Variants in AFG1L observed in about 807,000 individuals in gnomAD.
AFG1L encodes AFG1-like ATPase.
A neutral mutation model predicts 62.2 loss-of-function variants in AFG1L; 53 were observed. The ratio of observed to expected loss-of-function variants is 0.85; its 90% confidence interval spans 0.68 to 1.07. The LOEUF is 1.07. AFG1L is among the 50% of genes least tolerant of loss of function. The probability of loss-of-function intolerance (pLI) is 0.00; values close to 1 mark genes in which losing one functional copy is unlikely to be tolerated. For synonymous variants in AFG1L, 228 were observed against 210.3 expected (o/e 1.08, Z -0.73); for missense variants, 555 against 590.5 (o/e 0.94, Z 0.62).
chr6:108,442,190 T>C (rs909655935), intron 7 of AFG1L, among the ~76,000 whole-genome samples: 2 of 131,350 alleles, frequency 1.5e-5, no homozygotes, highest in African/African-American at 5.6e-5. Context: ...TTCCTTCTTC[T>C]TTTTTTTTTT....
chr6:108,374,439 A>C (rs1207804003), intron 6 of AFG1L, among the ~76,000 whole-genome samples: 9 of 152,180 alleles, frequency 5.9e-5, no homozygotes, highest in African/African-American at 2.2e-4. Flanking sequence ...GGTGTTCCCT[A>C]GATTTTCATC....
intron 1 of AFG1L, among the ~76,000 whole-genome samples, chr6:108,296,955 A>C (rs912359289): frequency 6.6e-6 from 1 of 152,206 alleles, no homozygotes; most frequent in African/African-American, 2.4e-5. Flanking sequence ...GATTCAAGTG[A>C]AGGCTGTGCT....
At chr6:108,384,061 T>TAAAA (rs541978025) in intron 6 of AFG1L, among the ~76,000 whole-genome samples, 5 of 80,072 alleles carry the variant, frequency 6.2e-5, no homozygotes, top group African/African-American at 1.2e-4. Flanking sequence ...TCCTGGAGAG[T>TAAAA]AAAAAAAAAA....
At chr6:108,425,079 CAT>C (rs1770753282) in intron 7 of AFG1L, among the ~76,000 whole-genome samples, 1 of 152,068 alleles carries the variant, frequency 6.6e-6, no homozygotes, top group Admixed American at 6.6e-5. Context: ...ATAAGTTATG[CAT>C]AGTGACAGCT....
At position 108,523,219 on chromosome 6, in the gene AFG1L, G is replaced by A. The variant is rs1342260520; in HGVS notation, c.*794G>A. The A allele has an allele frequency of 6.6e-6, 1 of 152,268 alleles. No individual in the cohort carries two copies. Among genetic ancestry groups the A allele is most frequent in the Non-Finnish European group, 1.5e-5 (1 of 68,160 alleles). 9.4% of individuals were successfully genotyped at this position (152,268 alleles called of 1,614,324 possible). ...TCGTAGGCACTCCAACAGCAGAGGAGACTCCCGCTCACATGAGGCCAGCCG... is the reference window on the plus strand; with the variant it reads ...TCGTAGGCACTCCAACAGCAGAGGAAACTCCCGCTCACATGAGGCCAGCCG... On this transcript the variant is annotated 3_prime_UTR_variant, in exon 13 of 13. Transcript: ENST00000368977.
chr6:108,333,802 A>G (rs1778368006), intron 2 of AFG1L, among the ~76,000 whole-genome samples: 1 of 152,138 alleles, frequency 6.6e-6, no homozygotes, highest in African/African-American at 2.4e-5. Flanking sequence ...CTGAGGAGGA[A>G]GGGGACAAAG....
intron 8 of AFG1L, among the ~76,000 whole-genome samples, chr6:108,472,569 T>C (rs989495805): frequency 1.3e-5 from 2 of 152,216 alleles, no homozygotes; most frequent in African/African-American, 4.8e-5. Context: ...ATCTTTTTCC[T>C]TCTCTCTGCC....
intron 1 of AFG1L, among the ~76,000 whole-genome samples, chr6:108,308,515 T>A (rs1582563508): frequency 6.6e-6 from 1 of 152,050 alleles, no homozygotes; most frequent in East Asian, 1.9e-4. Context: ...TTTACTTATT[T>A]AATTTTAATT....
intron 2 of AFG1L, chr6:108,344,743 C>T (rs1022884678): frequency 8.5e-6 from 4 of 471,156 alleles, no homozygotes; most frequent in South Asian, 3.1e-5. Flanking sequence ...TCTGAACTCA[C>T]TCCACCCTGT....
chr6:108,478,110 T>C (rs1360538199), intron 10 of AFG1L, among the ~76,000 whole-genome samples: 2 of 152,230 alleles, frequency 1.3e-5, no homozygotes, highest in Non-Finnish European at 2.9e-5. Context: ...ACAAAATACT[T>C]ATACCTGCGG....
At chr6:108,350,214 C>T (rs1440769236) in intron 3 of AFG1L, among the ~76,000 whole-genome samples, 1 of 151,522 alleles carries the variant, frequency 6.6e-6, no homozygotes, top group Admixed American at 6.6e-5. Flanking sequence ...TAAATAAATA[C>T]ATAAGTAAAT....
At chr6:108,409,429 G>C (rs1338329984) in intron 7 of AFG1L, among the ~76,000 whole-genome samples, 2 of 152,126 alleles carry the variant, frequency 1.3e-5, no homozygotes, top group Non-Finnish European at 2.9e-5. Flanking sequence ...AAATAAATGG[G>C]ATGGCAGGCA....
At chr6:108,469,310 G>T (rs1000336362) in intron 8 of AFG1L, among the ~76,000 whole-genome samples, 2 of 152,152 alleles carry the variant, frequency 1.3e-5, no homozygotes, top group South Asian at 4.2e-4. Context: ...TGCTGAAAAG[G>T]TACAGATTGT....
intron 1 of AFG1L, among the ~76,000 whole-genome samples, chr6:108,314,396 C>CT (rs779796652): frequency 0.014 from 1,999 of 140,642 alleles, 26 homozygotes; most frequent in African/African-American, 0.038. Flanking sequence ...TCTGCTTCTT[C>CT]TTTTTTTTTT....
At chr6:108,390,644 T>C (rs1781012514) in intron 6 of AFG1L, among the ~76,000 whole-genome samples, 1 of 152,228 alleles carries the variant, frequency 6.6e-6, no homozygotes, top group Non-Finnish European at 1.5e-5. Flanking sequence ...CCAGACGCTG[T>C]TTGCCTGGGC....
intron 1 of AFG1L, among the ~76,000 whole-genome samples, chr6:108,308,257 C>T (rs1777279245): frequency 6.6e-6 from 1 of 151,982 alleles, no homozygotes; most frequent in South Asian, 2.1e-4. Context: ...TCAAGCAGTC[C>T]TCTCACCTCA....
At chr6:108,310,809 T>C (rs1777376468) in intron 1 of AFG1L, among the ~76,000 whole-genome samples, 1 of 152,112 alleles carries the variant, frequency 6.6e-6, no homozygotes, top group Non-Finnish European at 1.5e-5. Flanking sequence ...TCCTCGGCTC[T>C]GAAGCAATCC....
At chr6:108,460,090 A>C (rs911055235) in intron 8 of AFG1L, among the ~76,000 whole-genome samples, 1 of 152,170 alleles carries the variant, frequency 6.6e-6, no homozygotes, top group Non-Finnish European at 1.5e-5. Flanking sequence ...GCTACAGCGC[A>C]ATAAAAAATG....
intron 2 of AFG1L, among the ~76,000 whole-genome samples, chr6:108,335,457 C>A (rs964388408): frequency 5.3e-5 from 8 of 152,196 alleles, no homozygotes; most frequent in African/African-American, 1.7e-4. Context: ...CATTGTGTGC[C>A]TATATCCACG....
Sources: allele counts gnomAD v4.1 joint callset (sites outside exome capture counted in the v4.1 genomes callset), GRCh38; gene constraint gnomAD v4.1.1; transcripts MANE v1.5; gene names NCBI Gene and HGNC (gene_info 2026-07-23, HGNC 2026-07-21).